PCP4: variants seen among roughly 807,000 people sequenced by gnomAD.
PCP4 encodes the protein calmodulin regulator protein PCP4.
Under a neutral mutation model 10.0 loss-of-function variants are expected in PCP4, and 8 were observed. That is an observed-to-expected ratio of 0.80 (90% CI 0.47 to 1.45). The LOEUF (loss-of-function observed/expected upper bound fraction) is 1.45. Ranked by LOEUF, PCP4 falls within the 40% of genes most tolerant of loss-of-function variation. The pLI, the probability that PCP4 is intolerant of heterozygous loss-of-function variation, is 0.00. For missense variants in PCP4, 54 were observed against 74.4 expected (o/e 0.73, Z 1.01); for synonymous variants, 21 against 23.0 (o/e 0.91, Z 0.24).
intron 2 of PCP4, among the ~76,000 whole-genome samples, chr21:39,902,938 A>C (rs1157373258): frequency 4.6e-5 from 7 of 152,226 alleles, no homozygotes; most frequent in Admixed American, 4.6e-4. Context: ...AATTAAATTC[A>C]AACATGTTTA....
chr21:39,903,051 G>A (rs573788989), intron 2 of PCP4, among the ~76,000 whole-genome samples: 1 of 152,306 alleles, frequency 6.6e-6, no homozygotes, highest in East Asian at 1.9e-4. Context: ...TGGATTTCTT[G>A]ATCCATACCT....
At chr21:39,881,317 C>T (rs1472448094) in intron 1 of PCP4, among the ~76,000 whole-genome samples, 1 of 152,146 alleles carries the variant, frequency 6.6e-6, no homozygotes, top group African/African-American at 2.4e-5. Flanking sequence ...GTTAGAGAAA[C>T]ATGTTTGGCA....
chr21:39,882,791 C>A (rs1340099457), intron 1 of PCP4, among the ~76,000 whole-genome samples: 1 of 152,234 alleles, frequency 6.6e-6, no homozygotes, highest in Non-Finnish European at 1.5e-5. Context: ...TGTCATTACA[C>A]TGATCTTTCA....
At chr21:39,912,709 A>C (rs1434249354) in intron 2 of PCP4, among the ~76,000 whole-genome samples, 2 of 151,904 alleles carry the variant, frequency 1.3e-5, no homozygotes, top group African/African-American at 4.8e-5. Flanking sequence ...AATTTAATCT[A>C]TTTTTATTTT....
At chr21:39,893,193 T>C (rs2087441289) in intron 1 of PCP4, among the ~76,000 whole-genome samples, 1 of 152,232 alleles carries the variant, frequency 6.6e-6, no homozygotes, top group South Asian at 2.1e-4. Flanking sequence ...GACATCTGCC[T>C]CATGCTCTGT....
At position 39,913,589 on chromosome 21, in the gene PCP4, C is replaced by T. The variant is rs1021028483; in HGVS notation, c.61+15062C>T. On this transcript the variant is annotated intron_variant, in intron 2 of 2. Coordinates refer to ENST00000328619, the MANE Select transcript of PCP4 (RefSeq NM_006198.3). ...TCTGCTCTGCCATTTTCTTGCCATGCGTGAAAAGTGTAGAGCATGAAACGA... is the reference window on the plus strand; with the variant it reads ...TCTGCTCTGCCATTTTCTTGCCATGTGTGAAAAGTGTAGAGCATGAAACGA... Among the ~76,000 whole-genome samples the T allele has an allele frequency of 5.3e-5, 8 of 152,282 alleles. No homozygotes were observed. In the South Asian group the frequency reaches 6.2e-4, roughly 12 times the overall value.
At chr21:39,900,627 A>G (rs1371095939) in intron 2 of PCP4, among the ~76,000 whole-genome samples, 1 of 151,926 alleles carries the variant, frequency 6.6e-6, no homozygotes, top group Non-Finnish European at 1.5e-5. Context: ...CCCTCTAGCA[A>G]CTTCTACTTG....
At chr21:39,917,536 G>A (rs988706677) in intron 2 of PCP4, among the ~76,000 whole-genome samples, 1 of 152,164 alleles carries the variant, frequency 6.6e-6, no homozygotes, top group Non-Finnish European at 1.5e-5. Flanking sequence ...CTTGGGCAAT[G>A]CACCTCTGCA....
At chr21:39,895,767 C>G (rs2087454099) in intron 1 of PCP4, among the ~76,000 whole-genome samples, 1 of 152,232 alleles carries the variant, frequency 6.6e-6, no homozygotes, top group South Asian at 2.1e-4. Context: ...GATTACCCGA[C>G]ACCCAGCCTG....
At chr21:39,885,446 G>A (rs749692467) in intron 1 of PCP4, among the ~76,000 whole-genome samples, 8 of 152,230 alleles carry the variant, frequency 5.3e-5, no homozygotes, top group Non-Finnish European at 8.8e-5. Flanking sequence ...CAAGGCAGCC[G>A]AGAAGGACAT....
chr21:39,908,314 A>G (rs1358227135), intron 2 of PCP4, among the ~76,000 whole-genome samples: 1 of 152,134 alleles, frequency 6.6e-6, no homozygotes, highest in African/African-American at 2.4e-5. Context: ...TAAGCCCCTC[A>G]TCCCTCCTCA....
chr21:39,926,324 A>C (rs576231170), intron 2 of PCP4: 1 of 165,880 alleles, frequency 6.0e-6, no homozygotes, highest in Non-Finnish European at 1.3e-5. Context: ...GTTTCATTAT[A>C]TATTTCCTTA....
intron 1 of PCP4, 33 bp downstream of exon 1, chr21:39,867,543 T>C: frequency 6.2e-7 from 1 of 1,608,618 alleles, no homozygotes; most frequent in Non-Finnish European, 8.5e-7. Flanking sequence ...GAGGGAAACT[T>C]AGGAGTGAGA....
rs1049035754 is a variant in PCP4, at chr21:39,929,358, T to C, written c.*247T>C. 1.3e-4 allele frequency: 43 copies of C among 329,802 alleles called. No homozygotes were observed. In the East Asian group the frequency reaches 2.1e-3, roughly 16 times the overall value. 20.4% of individuals were successfully genotyped at this position (329,802 alleles called of 1,614,324 possible). A position where few individuals can be genotyped will look rare whatever the true frequency, so the allele number is the denominator to read the frequency against. ...TCATTCCTCCTGCAACTATTTTCCT[T>C]GATGTTGTAATAAAATGAAGTTACG... On this transcript the variant is annotated 3_prime_UTR_variant, in exon 3 of 3. Transcript: ENST00000328619.
In PCP4 at chr21:39,926,144, G is replaced by A. The variant is rs148638405; in HGVS notation, c.62-2840G>A. 9.0e-4 allele frequency: 404 copies of A among 450,352 alleles called. 5 individuals are homozygous for A. In the East Asian group the frequency reaches 0.021, roughly 24 times the overall value. 27.9% of individuals were successfully genotyped at this position (450,352 alleles called of 1,614,324 possible). On this transcript the variant is annotated intron_variant, in intron 2 of 2. Transcript: ENST00000328619. ...AGCATCTGACCTTCCCCGCCGCCCC[G>A]GGAACTGGACTCTCTGAAGTATACA...
At chr21:39,879,045 A>T (rs2087359336) in intron 1 of PCP4, among the ~76,000 whole-genome samples, 1 of 150,154 alleles carries the variant, frequency 6.7e-6, no homozygotes, top group African/African-American at 2.5e-5. Flanking sequence ...GGTGGAGTGC[A>T]ATGGCGCTAT....
chr21:39,900,876 C>T (rs1458397722), intron 2 of PCP4, among the ~76,000 whole-genome samples: 3 of 149,768 alleles, frequency 2.0e-5, no homozygotes, highest in African/African-American at 4.9e-5. Context: ...CATACACTGT[C>T]TCCTATATTA....
chr21:39,899,640 G>A (rs1443718675), intron 2 of PCP4, among the ~76,000 whole-genome samples: 1 of 152,120 alleles, frequency 6.6e-6, no homozygotes, highest in Non-Finnish European at 1.5e-5. Context: ...AGAGGTGGGG[G>A]CTCCACAATG....
At chr21:39,893,484 G>A (rs1408791220) in intron 1 of PCP4, among the ~76,000 whole-genome samples, 7 of 152,162 alleles carry the variant, frequency 4.6e-5, no homozygotes, top group African/African-American at 1.2e-4. Flanking sequence ...TGGAAACCTC[G>A]CTTTCTGAAG....
Sources: gnomAD v4.1 joint callset for allele counts (sites outside exome capture counted in the v4.1 genomes callset) on GRCh38, gnomAD v4.1.1 for gene constraint, MANE v1.5 for transcripts, NCBI Gene and HGNC (gene_info 2026-07-23, HGNC 2026-07-21) for gene names.